Variants in ABCA12 observed in about 807,000 individuals in gnomAD.
The protein encoded by ABCA12 is ATP binding cassette subfamily A member 12, also known as glucosylceramide transporter ABCA12.
A neutral mutation model predicts 293.5 loss-of-function variants in ABCA12; 156 were observed. That is an observed-to-expected ratio of 0.53 (90% CI 0.47 to 0.61). ABCA12 has a LOEUF of 0.61. Ranked by LOEUF, ABCA12 falls within the 20% of genes least tolerant of loss-of-function variation. The probability of loss-of-function intolerance (pLI) is 0.00; values close to 1 mark genes in which losing one functional copy is unlikely to be tolerated. For synonymous variants in ABCA12, 1,063 were observed against 1,108.0 expected (o/e 0.96, Z 0.81); for missense variants, 2,797 against 3,090.2 (o/e 0.91, Z 2.25).
intron 41 of ABCA12, among the ~76,000 whole-genome samples, chr2:214,957,309 T>C (rs1236483324): frequency 6.6e-6 from 1 of 152,150 alleles, no homozygotes; most frequent in East Asian, 1.9e-4. Flanking sequence ...ATTTATTAAA[T>C]GCTGAGGAGT....
chr2:214,997,424 G>A (rs1700059094), intron 23 of ABCA12, among the ~76,000 whole-genome samples: 1 of 151,868 alleles, frequency 6.6e-6, no homozygotes. Flanking sequence ...AATTTCTTGG[G>A]CAAAAAATTA....
intron 20 of ABCA12, among the ~76,000 whole-genome samples, chr2:215,003,671 ATT>A (rs11347715): frequency 1.7e-3 from 249 of 143,740 alleles, no homozygotes; most frequent in Middle Eastern, 3.5e-3. Context: ...AATAATAATA[ATT>A]TTTTTTTTTT....
chr2:215,100,766 C>CT (rs1327729639), intron 2 of ABCA12, among the ~76,000 whole-genome samples: 1 of 152,138 alleles, frequency 6.6e-6, no homozygotes, highest in Non-Finnish European at 1.5e-5. Context: ...CCAGAAGCAT[C>CT]TTTTTTTAAC....
Position 214,989,402 on chromosome 2 carries a change from C to G in ABCA12, c.3756G>C (p.Trp1252Cys), listed in dbSNP as rs746387226. Residue 1252 changes from tryptophan (W) to cysteine (C), a missense_variant, in exon 26 of 53, where the codon TGG (tryptophan) becomes TGC (cysteine). Transcript: ENST00000272895. ...PVQDDTTSFG[W>C]LCCLILADSF... The stretch of plus-strand genomic sequence containing the variant: ...AGTCAGCTAGGATTAGACAGCACAG[C>G]CAGCCAAATGAGGTGGTGTCATCCT... The G allele has an allele frequency of 6.2e-7, 1 of 1,613,374 alleles. No individual in the cohort carries two copies. Among genetic ancestry groups the G allele is most frequent in the South Asian group, 1.1e-5 (1 of 91,024 alleles).
intron 23 of ABCA12, among the ~76,000 whole-genome samples, chr2:214,991,383 A>G (rs993008616): frequency 2.6e-5 from 4 of 152,194 alleles, no homozygotes; most frequent in African/African-American, 9.6e-5. Flanking sequence ...ATTTTACATG[A>G]TTTTGACATT....
At chr2:215,096,685 T>A (rs931523020) in intron 2 of ABCA12, among the ~76,000 whole-genome samples, 1 of 152,184 alleles carries the variant, frequency 6.6e-6, no homozygotes, top group African/African-American at 2.4e-5. Flanking sequence ...CACTACTTTT[T>A]ATATTATAAT....
intron 15 of ABCA12, 40 bp downstream of exon 15, chr2:215,015,449 TA>T: frequency 6.5e-7 from 1 of 1,549,876 alleles, no homozygotes; most frequent in Non-Finnish European, 8.9e-7. Context: ...TAGTTTTATA[TA>T]AACCATGAAT....
chr2:215,018,130 G>T lies in ABCA12; in HGVS notation c.1660C>A (p.Gln554Lys). 6.2e-7 allele frequency: 1 copy of T among 1,612,046 alleles called. No homozygotes were observed. The highest frequency in any genetic ancestry group is 1.1e-5 in the South Asian group (1 of 90,886). ...ACATTTTTAAACATTTCTAGTAACT[G>T]ACCTGCAAGAAGAAAAATGTAAAAA... is the stretch of plus-strand genomic sequence containing the variant. ...NSADASEKPG[Q>K]LLEMFKNVEE... The change falls in exon 14 of 53, where the codon CAG (glutamine) becomes AAG (lysine). Residue 554 changes from glutamine (Q) to lysine (K), a missense_variant and splice_region_variant. Transcript: ENST00000272895.
rs573330386 is a variant in ABCA12, at chr2:214,967,402, C to T, written c.5779-449G>A. Among the ~76,000 whole-genome samples the T allele has an allele frequency of 1.7e-4, 26 of 152,194 alleles. No homozygotes were observed. The East Asian group carries it at 3.7e-3, about 21-fold the overall frequency. Reference sequence around the variant, plus strand: ...GTGTCCTTAGCACAAGATTGAAAGCCTTGACATTCCTCCACTAATTTTTGA... The same window carrying T: ...GTGTCCTTAGCACAAGATTGAAAGCTTTGACATTCCTCCACTAATTTTTGA... On this transcript the variant is annotated intron_variant, in intron 38 of 52. Transcript: ENST00000272895.
intron 1 of ABCA12, among the ~76,000 whole-genome samples, chr2:215,127,308 C>A (rs1702947925): frequency 6.6e-6 from 1 of 152,120 alleles, no homozygotes; most frequent in African/African-American, 2.4e-5. Flanking sequence ...CTGTTAAGTT[C>A]ATTTGTTCCA....
chr2:214,968,425 A>G (rs1406972353), intron 38 of ABCA12, among the ~76,000 whole-genome samples: 1 of 152,042 alleles, frequency 6.6e-6, no homozygotes, highest in South Asian at 2.1e-4. Context: ...TGAAAGTTTT[A>G]TTGAATGAAT....
At chr2:214,938,387 CA>C (rs1176403754) in intron 50 of ABCA12, among the ~76,000 whole-genome samples, 1 of 152,038 alleles carries the variant, frequency 6.6e-6, no homozygotes, top group African/African-American at 2.4e-5. Context: ...GGGTTGGTTC[CA>C]AGTCTTTGCT....
chr2:214,992,414 G>C (rs1345183994), intron 23 of ABCA12, among the ~76,000 whole-genome samples: 1 of 126,024 alleles, frequency 7.9e-6, no homozygotes, highest in Non-Finnish European at 1.6e-5. Context: ...CTGCACTCCA[G>C]CCTGGGCGAC....
At chr2:215,077,038 A>C (rs775235870) in intron 2 of ABCA12, among the ~76,000 whole-genome samples, 52 of 152,208 alleles carry the variant, frequency 3.4e-4, no homozygotes, top group Non-Finnish European at 6.8e-4. Flanking sequence ...GAACAGAAGG[A>C]AGGAGGCAGG....
intron 2 of ABCA12, among the ~76,000 whole-genome samples, chr2:215,094,761 A>T (rs1702216645): frequency 6.6e-6 from 1 of 152,152 alleles, no homozygotes; most frequent in Non-Finnish European, 1.5e-5. Context: ...ATACACCATA[A>T]AAATCGAACC....
At position 215,019,772 on chromosome 2, in the gene ABCA12, C is replaced by T. The variant is rs562998767; in HGVS notation, c.1312G>A (p.Glu438Lys). Reference sequence around the variant, plus strand: ...AAAGTTTCAGATTCACAAAGAAGTTCGGTCAAGTTTCGAAGTTGAGACAGC... The same window carrying T: ...AAAGTTTCAGATTCACAAAGAAGTTTGGTCAAGTTTCGAAGTTGAGACAGC... ...SKLSQLRNLT[E>K]LLCESETFSL... Residue 438 changes from glutamate (E) to lysine (K), a missense_variant, in exon 12 of 53, where the codon GAA becomes AAA. Physicochemically the swap from Glu to Lys is moderately conservative, Grantham distance 56 (BLOSUM62 1). Around this residue, in one of 3 missense-constraint regions of ABCA12, gnomAD observed 656 missense variants for 638.2 expected, o/e 1.03. Transcript: ENST00000272895. 13 of 1,613,050 alleles carry T rather than the reference C, an allele frequency of 8.1e-6. No homozygotes were observed. The highest frequency in any genetic ancestry group is 2.2e-5 in the East Asian group (1 of 44,878).
intron 2 of ABCA12, among the ~76,000 whole-genome samples, chr2:215,091,913 A>G (rs1466657957): frequency 6.6e-6 from 1 of 152,182 alleles, no homozygotes; most frequent in Non-Finnish European, 1.5e-5. Context: ...ACAGCCCAGG[A>G]TTCCTCCTAA....
In ABCA12 at chr2:214,942,955, C is replaced by T. The variant is rs756279108; in HGVS notation, c.7406G>A (p.Cys2469Tyr). The change falls in exon 50 of 53, where the codon TGT becomes TAT. Residue 2469 changes from cysteine (C) to tyrosine (Y), a missense_variant. Transcript: ENST00000272895. Reference protein sequence around the residue: ...LAIMVNGKFQCIGSLQHIKSR... With the variant: ...LAIMVNGKFQYIGSLQHIKSR... ...CTTTATGTGCTGCAAAGATCCAATA[C>T]ATTGAAACTTTCCATTCACCATAAT... 1.9e-6 allele frequency: 3 copies of T among 1,613,472 alleles called. No individual in the cohort carries two copies. The highest frequency in any genetic ancestry group is 1.1e-5 in the South Asian group (1 of 91,074).
intron 2 of ABCA12, among the ~76,000 whole-genome samples, chr2:215,066,254 G>A (rs1163253944): frequency 2.0e-5 from 3 of 152,066 alleles, no homozygotes; most frequent in Admixed American, 1.3e-4. Context: ...GGCTGCAAAT[G>A]AATTTATTAC....
Sources: gnomAD v4.1 joint callset for allele counts (sites outside exome capture counted in the v4.1 genomes callset) on GRCh38, gnomAD v4.1.1 for gene constraint, gnomAD v4.1.1 regional missense constraint, MANE v1.5 for transcripts, NCBI Gene and HGNC (gene_info 2026-07-23, HGNC 2026-07-21) for gene names.